Variants in APBB2 observed in about 807,000 individuals in gnomAD.
APBB2 encodes amyloid beta precursor protein binding family B member 2, also known as Fe65-like 1.
A neutral mutation model predicts 82.5 loss-of-function variants in APBB2; 38 were observed. The ratio of observed to expected loss-of-function variants is 0.46; its 90% CI spans 0.36 to 0.60. The LOEUF (loss-of-function observed/expected upper bound fraction) is 0.60, where lower values mean the gene tolerates loss of function less well. APBB2 is among the 20% of genes least tolerant of loss of function. The pLI is 0.00. For missense variants in APBB2, 772 were observed against 972.3 expected, an observed-to-expected ratio of 0.79 and a Z score of 2.74; for synonymous variants, 341 against 368.2, an observed-to-expected ratio of 0.93 and a Z score of 0.85.
chr4:40,983,412 A>ATG (rs929326474), intron 6 of APBB2, among the ~76,000 whole-genome samples: 1 of 152,220 alleles, frequency 6.6e-6, no homozygotes, highest in African/African-American at 2.4e-5. Context: ...TATAATTTAA[A>ATG]TGTAAAATAT....
chr4:41,192,635 A>T (rs1256412751), intron 1 of APBB2, among the ~76,000 whole-genome samples: 1 of 152,196 alleles, frequency 6.6e-6, no homozygotes, highest in Non-Finnish European at 1.5e-5. Flanking sequence ...AGTGGAATGG[A>T]ATGGGGGAGG....
chr4:41,070,321 T>G (rs1004239961), intron 3 of APBB2, among the ~76,000 whole-genome samples: 3 of 152,170 alleles, frequency 2.0e-5, no homozygotes, highest in Non-Finnish European at 4.4e-5. Flanking sequence ...TACTTATTTA[T>G]TTTTTGAGAC....
At chr4:41,035,130 T>G in intron 4 of APBB2, among the ~76,000 whole-genome samples, 1 of 152,230 alleles carries the variant, frequency 6.6e-6, no homozygotes, top group Admixed American at 6.5e-5. Context: ...GTAATGCACT[T>G]CCATGAAAAG....
At chr4:40,968,393 T>C (rs921077664) in intron 6 of APBB2, among the ~76,000 whole-genome samples, 7 of 152,192 alleles carry the variant, frequency 4.6e-5, no homozygotes, top group African/African-American at 1.4e-4. Flanking sequence ...AGGGCCTCGC[T>C]TGGATTCAAA....
intron 1 of APBB2, among the ~76,000 whole-genome samples, chr4:41,192,896 AT>A (rs947835109): frequency 1.3e-5 from 2 of 152,162 alleles, no homozygotes; most frequent in African/African-American, 2.4e-5. Context: ...CTTATAAATG[AT>A]TTTTTTAAAT....
At chr4:41,015,787 G>A (rs1809744589) in intron 5 of APBB2, among the ~76,000 whole-genome samples, 1 of 152,072 alleles carries the variant, frequency 6.6e-6, no homozygotes, top group Non-Finnish European at 1.5e-5. Context: ...TTCTCACCTA[G>A]CACCTCACCT....
intron 10 of APBB2, among the ~76,000 whole-genome samples, chr4:40,921,204 A>T (rs890071596): frequency 6.6e-6 from 1 of 152,206 alleles, no homozygotes; most frequent in Non-Finnish European, 1.5e-5. Flanking sequence ...GTGCCCATAC[A>T]TGCTAAATGC....
At chr4:41,055,525 G>A (rs893876266) in intron 4 of APBB2, among the ~76,000 whole-genome samples, 9 of 151,992 alleles carry the variant, frequency 5.9e-5, no homozygotes, top group African/African-American at 1.5e-4. Context: ...CCACTCTTTC[G>A]TGTGGCCACC....
rs184077258 is a variant in APBB2 at position 41,187,859 on chromosome 4, G to A, written c.-417+26546C>T. On this transcript the variant is annotated intron_variant, in intron 1 of 17. Transcript: ENST00000508593. ...TCCAAATCTCACTGCAGAGGCAAAG[G>A]AAAAAAGTTTCTATGTATGCATGTA... Among the ~76,000 whole-genome samples, 1,065 of 152,184 alleles carry A rather than the reference G, an allele frequency of 7.0e-3. 8 individuals carry two copies. The highest frequency in any genetic ancestry group is 0.01 in the Non-Finnish European group (686 of 68,000).
intron 10 of APBB2, among the ~76,000 whole-genome samples, chr4:40,910,927 T>C (rs113074743): frequency 1.1e-4 from 17 of 152,372 alleles, no homozygotes; most frequent in African/African-American, 3.8e-4. Context: ...GCACAGCCTA[T>C]GGGAAGCAGT....
At chr4:41,154,872 C>T (rs1763080698) in intron 1 of APBB2, among the ~76,000 whole-genome samples, 1 of 152,164 alleles carries the variant, frequency 6.6e-6, no homozygotes, top group Non-Finnish European at 1.5e-5. Flanking sequence ...CCACAAGGTC[C>T]AACTCAATCA....
chr4:41,031,735 TATA>T (rs1182708905), intron 5 of APBB2, among the ~76,000 whole-genome samples: 1 of 152,334 alleles, frequency 6.6e-6, no homozygotes, highest in South Asian at 2.1e-4. Flanking sequence ...AAGATAAGAC[TATA>T]ATAATAATCT....
intron 12 of APBB2, among the ~76,000 whole-genome samples, chr4:40,834,899 T>C (rs750270721): frequency 6.6e-6 from 1 of 152,236 alleles, no homozygotes; most frequent in African/African-American, 2.4e-5. Context: ...TTTGTGGCCA[T>C]TTGTTACAGC....
intron 6 of APBB2, among the ~76,000 whole-genome samples, chr4:40,988,523 AGC>A (rs1226205506): frequency 1.3e-5 from 2 of 151,324 alleles, no homozygotes; most frequent in Admixed American, 6.6e-5. Flanking sequence ...CTGTAATCCC[AGC>A]TACTCGGGAG....
chr4:41,113,462 A>G (rs1749911420), intron 2 of APBB2, among the ~76,000 whole-genome samples: 1 of 152,160 alleles, frequency 6.6e-6, no homozygotes, highest in South Asian at 2.1e-4. Flanking sequence ...CATCTAGTCA[A>G]CATAGTATTG....
At position 40,814,129 on chromosome 4, in the gene APBB2, T is replaced by C. The variant is rs1745021157; in HGVS notation, c.*1963A>G. 1 of 152,180 alleles carries C rather than the reference T, an allele frequency of 6.6e-6. No homozygotes were observed. Among genetic ancestry groups the C allele is most frequent in the African/African-American group, 2.4e-5 (1 of 41,442 alleles). 9.4% of individuals were successfully genotyped at this position (152,180 alleles called of 1,614,324 possible). Reference sequence around the variant, plus strand: ...CTAAGTACCATGAGTTAGGAATGTCTACCACAAGTAGCATCTGGAAAATCT... The same window carrying C: ...CTAAGTACCATGAGTTAGGAATGTCCACCACAAGTAGCATCTGGAAAATCT... On this transcript the variant is annotated 3_prime_UTR_variant, in exon 18 of 18. Transcript: ENST00000508593.
chr4:41,191,565 A>C (rs1774443547), intron 1 of APBB2, among the ~76,000 whole-genome samples: 1 of 152,206 alleles, frequency 6.6e-6, no homozygotes, highest in African/African-American at 2.4e-5. Flanking sequence ...CTGGATTTCC[A>C]CACACAAAAG....
At chr4:41,209,327 G>A (rs1335362423) in intron 1 of APBB2, among the ~76,000 whole-genome samples, 2 of 151,962 alleles carry the variant, frequency 1.3e-5, no homozygotes, top group African/African-American at 2.4e-5. Context: ...CTGCCCCATC[G>A]CAGCTTGCCA....
intron 4 of APBB2, among the ~76,000 whole-genome samples, chr4:41,044,630 C>T (rs1722727205): frequency 1.3e-5 from 2 of 152,192 alleles, no homozygotes; most frequent in African/African-American, 4.8e-5. Flanking sequence ...AATACTGGCT[C>T]ACATTTTGTT....
Sources: gnomAD v4.1 joint callset for allele counts (sites outside exome capture counted in the v4.1 genomes callset) on GRCh38, gnomAD v4.1.1 for gene constraint, MANE v1.5 for transcripts, NCBI Gene and HGNC (gene_info 2026-07-23, HGNC 2026-07-21) for gene names.